Variants in NRCAM observed in about 807,000 individuals in gnomAD.
The protein encoded by NRCAM is neuronal cell adhesion molecule, also known as NgCAM-related cell adhesion molecule.
A neutral mutation model predicts 156.5 loss-of-function variants in NRCAM; 83 were observed. That is an observed-to-expected ratio of 0.53 (90% CI 0.44 to 0.64). The LOEUF is 0.64. Ranked by LOEUF, NRCAM falls within the 30% of genes least tolerant of loss-of-function variation. The probability of loss-of-function intolerance (pLI) is 0.00; values close to 1 mark genes in which losing one functional copy is unlikely to be tolerated. For synonymous variants in NRCAM, 538 were observed against 563.9 expected (o/e 0.95, Z 0.65); for missense variants, 1,417 against 1,597.3 (o/e 0.89, Z 1.92).
rs529342533 is a variant in NRCAM at position 108,178,195 on chromosome 7, G to A, written c.2852-83C>T. The A allele has an allele frequency of 1.0e-3, 1,498 of 1,441,220 alleles. 2 individuals carry two copies. Among genetic ancestry groups the A allele is most frequent in the Non-Finnish European group, 1.3e-3 (1,384 of 1,058,986 alleles). 89.3% of individuals were successfully genotyped at this position (1,441,220 alleles called of 1,614,324 possible). ...AATTGACATTTCACCGTGCTCGCAC[G>A]ATTCAAGGTTTTGAGTTTCAGTAAC... On this transcript the variant is annotated intron_variant, in intron 25 of 32. Transcript: ENST00000379028.
intron 3 of NRCAM, among the ~76,000 whole-genome samples, chr7:108,278,622 T>C (rs1201697450): frequency 6.6e-6 from 1 of 152,200 alleles, no homozygotes; most frequent in East Asian, 1.9e-4. Flanking sequence ...AAGCACAGTA[T>C]TTGGGCAGGA....
At chr7:108,360,449 G>GA (rs1248304481) in intron 2 of NRCAM, among the ~76,000 whole-genome samples, 1 of 152,102 alleles carries the variant, frequency 6.6e-6, no homozygotes, top group East Asian at 1.9e-4. Context: ...GGATATAAGA[G>GA]AAAAACAGAA....
rs561755307 is a variant in NRCAM at position 108,363,251 on chromosome 7, C to G, written c.-174+36185G>C. On this transcript the variant is annotated intron_variant, in intron 2 of 32. Coordinates refer to ENST00000379028, the MANE Select transcript of NRCAM (RefSeq NM_001037132.4). The stretch of plus-strand genomic sequence containing the variant: ...AAATAATTTATGCAGATACTCCACC[C>G]TCAAGGAGGTAGAGTATAACCCACT... Among the ~76,000 whole-genome samples, 165 of 152,224 alleles carry G rather than the reference C, an allele frequency of 1.1e-3. 2 individuals carry two copies. The highest frequency in any genetic ancestry group is 3.8e-3 in the African/African-American group (156 of 41,536).
intron 20 of NRCAM, 72 bp downstream of exon 20, chr7:108,189,572 CA>C: frequency 1.4e-6 from 1 of 728,534 alleles, no homozygotes; most frequent in Non-Finnish European, 2.5e-6. Flanking sequence ...TGAGGAAATT[CA>C]GCTGACTGTT....
intron 11 of NRCAM, among the ~76,000 whole-genome samples, chr7:108,219,171 A>T (rs1360853428): frequency 2.0e-5 from 3 of 152,168 alleles, no homozygotes; most frequent in Non-Finnish European, 4.4e-5. Flanking sequence ...AAAGTTAGAT[A>T]CCTTAAACAG....
intron 1 of NRCAM, among the ~76,000 whole-genome samples, chr7:108,451,390 A>G (rs1378256441): frequency 6.6e-6 from 1 of 150,400 alleles, no homozygotes; most frequent in Non-Finnish European, 1.5e-5. Context: ...GCTACTATGG[A>G]AAAGAGTATA....
chr7:108,275,503 G>T (rs904903103), intron 3 of NRCAM, among the ~76,000 whole-genome samples: 1 of 152,190 alleles, frequency 6.6e-6, no homozygotes, highest in African/African-American at 2.4e-5. Flanking sequence ...ATTTCTTCTA[G>T]ATTTTGTAGT....
At position 108,194,379 on chromosome 7, in the gene NRCAM, G is replaced by A. The variant is rs1345902669; in HGVS notation, c.1513C>T (p.His505Tyr). ...GGAATTTCCAAAGTTCCATTTTCAT[G>A]TAAAACATAAATATCTTCATGAAGA... is the stretch of plus-strand genomic sequence containing the variant. The part of the protein sequence containing the change: ...SALHEDIYVL[H>Y]ENGTLEIPVA... The change falls in exon 16 of 33, where the codon CAT becomes TAT. Residue 505 changes from histidine (H) to tyrosine (Y), a missense_variant. His to Tyr is a moderately conservative substitution (Grantham distance 83). Around this residue, in one of 2 missense-constraint regions of NRCAM, gnomAD observed 1,238 missense variants for 1,336.4 expected, o/e 0.93. Transcript: ENST00000379028. The A allele has an allele frequency of 1.9e-6, 3 of 1,612,784 alleles. No homozygotes were observed. The highest frequency in any genetic ancestry group is 1.7e-5 in the Admixed American group (1 of 59,948).
intron 2 of NRCAM, among the ~76,000 whole-genome samples, chr7:108,385,619 G>A (rs1254923436): frequency 3.9e-5 from 6 of 152,090 alleles, no homozygotes. Context: ...AGAACACAGA[G>A]GCCAACTCAA....
intron 27 of NRCAM, among the ~76,000 whole-genome samples, chr7:108,175,883 A>T (rs2060285303): frequency 6.6e-6 from 1 of 152,160 alleles, no homozygotes; most frequent in Non-Finnish European, 1.5e-5. Flanking sequence ...TTCTTTGTAC[A>T]TACCAAAATG....
chr7:108,344,643 ACTCC>A lies in NRCAM; in HGVS notation c.-173-31916_-173-31913del, dbSNP rs556570680. ...TAATAAAGTTCAATGAACTGTTTATACTCCATACTGACATTCTGTCCCATTAAAT... is the reference window on the plus strand; with the variant it reads ...TAATAAAGTTCAATGAACTGTTTATAATACTGACATTCTGTCCCATTAAAT... On this transcript the variant is annotated intron_variant, in intron 2 of 32. Transcript: ENST00000379028. 4.4e-3 allele frequency among the ~76,000 whole-genome samples: 674 copies of A among 152,314 alleles called. 5 individuals carry two copies. Among genetic ancestry groups the A allele is most frequent in the African/African-American group, 0.015 (639 of 41,574 alleles).
intron 14 of NRCAM, among the ~76,000 whole-genome samples, chr7:108,197,631 G>A (rs886580719): frequency 9.2e-5 from 14 of 152,134 alleles, no homozygotes; most frequent in Non-Finnish European, 1.9e-4. Context: ...GTCTTACAAC[G>A]AAGAGCAATA....
intron 2 of NRCAM, among the ~76,000 whole-genome samples, chr7:108,367,865 G>A (rs1336449903): frequency 1.3e-5 from 2 of 152,120 alleles, no homozygotes; most frequent in African/African-American, 2.4e-5. Context: ...ATTACTAAAA[G>A]TTACCATATA....
At chr7:108,317,096 G>T in intron 2 of NRCAM, among the ~76,000 whole-genome samples, 1 of 152,286 alleles carries the variant, frequency 6.6e-6, no homozygotes, top group East Asian at 1.9e-4. Context: ...CATGGCCTTT[G>T]TCAGCTTGGG....
chr7:108,193,363 C>G (rs146620246), intron 17 of NRCAM, among the ~76,000 whole-genome samples: 1 of 152,196 alleles, frequency 6.6e-6, no homozygotes, highest in Non-Finnish European at 1.5e-5. Context: ...CAAATGATTT[C>G]GACCAGAATA....
At chr7:108,370,807 T>A (rs566469087) in intron 2 of NRCAM, among the ~76,000 whole-genome samples, 1 of 152,240 alleles carries the variant, frequency 6.6e-6, no homozygotes, top group South Asian at 2.1e-4. Context: ...CACACCCACA[T>A]TCCCAGGCTT....
chr7:108,432,241 T>C (rs1826182509), intron 1 of NRCAM, among the ~76,000 whole-genome samples: 1 of 152,234 alleles, frequency 6.6e-6, no homozygotes, highest in Non-Finnish European at 1.5e-5. Context: ...AAAGAAAAGG[T>C]TAATGTCATT....
At chr7:108,225,916 CCA>C in intron 9 of NRCAM, among the ~76,000 whole-genome samples, 2 of 152,266 alleles carry the variant, frequency 1.3e-5, no homozygotes, top group Middle Eastern at 3.4e-3. Flanking sequence ...TGCAGGACCG[CCA>C]ATAAGAGGCA....
intron 1 of NRCAM, among the ~76,000 whole-genome samples, chr7:108,409,804 C>T (rs769694998): frequency 5.3e-5 from 8 of 152,152 alleles, no homozygotes; most frequent in Non-Finnish European, 1.0e-4. Context: ...GTTATGTTTA[C>T]CTTGTTAGAT....
Sources: allele counts gnomAD v4.1 joint callset (sites outside exome capture counted in the v4.1 genomes callset), GRCh38; gene constraint gnomAD v4.1.1; regional missense constraint gnomAD v4.1.1; transcripts MANE v1.5; gene names NCBI Gene and HGNC (gene_info 2026-07-23, HGNC 2026-07-21).